The following ZFAT variants were observed in gnomAD, a reference collection of about 807,000 sequenced individuals.
ZFAT encodes zinc finger and AT-hook domain containing.
Under a neutral mutation model 117.7 loss-of-function variants are expected in ZFAT, and 64 were observed. The observed-to-expected ratio is 0.54, with a 90% CI of 0.44 to 0.67. The LOEUF is 0.67. Among genes scored for constraint, ZFAT ranks in the 30% least tolerant of loss-of-function variants. The pLI, the probability that ZFAT is intolerant of heterozygous loss-of-function variation, is 0.00. For missense variants in ZFAT, 1,433 were observed against 1,584.5 expected, an observed-to-expected ratio of 0.90 and a Z score of 1.62; for synonymous variants, 679 against 615.0, an observed-to-expected ratio of 1.10 and a Z score of -1.54.
the ZFAT span, among the ~76,000 whole-genome samples, chr8:134,728,407 C>A: frequency 6.6e-6 from 1 of 151,918 alleles, no homozygotes; most frequent in South Asian, 2.1e-4. Flanking sequence ...TGCTTTGTGC[C>A]CTTCAGACTA....
chr8:134,790,473 G>A, the ZFAT span, among the ~76,000 whole-genome samples: 307 of 152,132 alleles, frequency 2.0e-3, no homozygotes, highest in African/African-American at 7.1e-3. Flanking sequence ...GCCGTTAGGG[G>A]GTAATTTGGC....
intron 7 of ZFAT, among the ~76,000 whole-genome samples, chr8:134,595,169 C>T (rs775403813): frequency 1.2e-4 from 18 of 152,172 alleles, no homozygotes; most frequent in Non-Finnish European, 2.1e-4. Flanking sequence ...CACATTCATG[C>T]ACACACACTG....
chr8:134,510,547 G>C, intron 14 of ZFAT: 1 of 185,554 alleles, frequency 5.4e-6, no homozygotes, highest in Non-Finnish European at 1.1e-5. Context: ...GTCTCATGCA[G>C]AAGGTAGGAC....
chr8:134,745,954 G>A, the ZFAT span, among the ~76,000 whole-genome samples: 39 of 152,282 alleles, frequency 2.6e-4, no homozygotes, highest in African/African-American at 8.7e-4. Flanking sequence ...CCATTTATGA[G>A]GCAGTTTCTT....
At chr8:134,678,721 T>C (rs1048444897) in intron 1 of ZFAT, among the ~76,000 whole-genome samples, 6 of 152,044 alleles carry the variant, frequency 3.9e-5, no homozygotes, top group African/African-American at 1.4e-4. Context: ...AAACAGCATG[T>C]TACTGGTACC....
rs868078671 is a variant in ZFAT, at chr8:134,643,913, T to C, written c.197-6201A>G. 5.9e-5 allele frequency among the ~76,000 whole-genome samples: 9 copies of C among 152,332 alleles called. 1 individual carries two copies. In the Middle Eastern group the frequency reaches 0.01, roughly 173 times the overall value. ...GTGTGCCCTTTCCACTACACTGCGC[T>C]GCTGACCAGGGCAGATCAGAGTGCT... On this transcript the variant is annotated intron_variant, in intron 2 of 15. Transcript: ENST00000377838.
chr8:134,605,453 G>C (rs1351704488), intron 5 of ZFAT, among the ~76,000 whole-genome samples: 1 of 152,018 alleles, frequency 6.6e-6, no homozygotes, highest in Non-Finnish European at 1.5e-5. Flanking sequence ...GGCTGAGGCG[G>C]GAGAATGGCG....
At chr8:134,603,742 A>C (rs2119877) in intron 5 of ZFAT, among the ~76,000 whole-genome samples, 216 of 152,242 alleles carry the variant, frequency 1.4e-3, no homozygotes, top group Middle Eastern at 6.8e-3. Flanking sequence ...CACTTAGCCA[A>C]CTGGGCCTCT....
At chr8:134,627,369 G>C (rs760332534) in intron 3 of ZFAT, among the ~76,000 whole-genome samples, 1 of 152,188 alleles carries the variant, frequency 6.6e-6, no homozygotes, top group Non-Finnish European at 1.5e-5. Context: ...GGAGGAATTC[G>C]AGATGGCTCC....
intron 1 of ZFAT, among the ~76,000 whole-genome samples, chr8:134,674,277 A>G (rs1248196405): frequency 6.6e-6 from 1 of 152,174 alleles, no homozygotes; most frequent in Non-Finnish European, 1.5e-5. Flanking sequence ...CAATCGGTAG[A>G]CCAGGAGATT....
the ZFAT span, among the ~76,000 whole-genome samples, chr8:134,805,383 G>A: frequency 1.8e-4 from 28 of 152,280 alleles, no homozygotes; most frequent in Middle Eastern, 3.4e-3. Flanking sequence ...TTAAAAAAGC[G>A]TTAATTTAGT....
At chr8:134,651,728 A>G (rs902704649) in intron 2 of ZFAT, among the ~76,000 whole-genome samples, 2 of 152,348 alleles carry the variant, frequency 1.3e-5, no homozygotes, top group Non-Finnish European at 2.9e-5. Flanking sequence ...CAATACCAAA[A>G]GGCAGAACAG....
At chr8:134,815,830 G>A in the ZFAT span, among the ~76,000 whole-genome samples, 1 of 152,130 alleles carries the variant, frequency 6.6e-6, no homozygotes, top group Non-Finnish European at 1.5e-5. Flanking sequence ...AGTCTGAAGT[G>A]GGCTTTCACC....
At chr8:134,495,845 G>T (rs116171114) in intron 15 of ZFAT, among the ~76,000 whole-genome samples, 1 of 152,114 alleles carries the variant, frequency 6.6e-6, no homozygotes, top group South Asian at 2.1e-4. Flanking sequence ...TGGGAGGATC[G>T]CTTGAGTAGG....
chr8:134,798,170 G>T, the ZFAT span: 2 of 151,882 alleles, frequency 1.3e-5, no homozygotes, highest in African/African-American at 4.8e-5. Context: ...TCATAAACAG[G>T]GGAGAAGCTA....
At chr8:134,744,347 G>C in the ZFAT span, among the ~76,000 whole-genome samples, 1 of 149,454 alleles carries the variant, frequency 6.7e-6, no homozygotes, top group African/African-American at 2.5e-5. Flanking sequence ...CTAGGCTGGA[G>C]TGCAGTGGCA....
At chr8:134,791,253 T>G in the ZFAT span, among the ~76,000 whole-genome samples, 1 of 152,224 alleles carries the variant, frequency 6.6e-6, no homozygotes, top group African/African-American at 2.4e-5. Context: ...TCAGACAACT[T>G]TGTAGCTTCC....
chr8:134,571,203 G>A (rs755684202), intron 10 of ZFAT, among the ~76,000 whole-genome samples: 4 of 152,228 alleles, frequency 2.6e-5, no homozygotes, highest in African/African-American at 7.2e-5. Context: ...AACACGCCAC[G>A]AAGGACAAAG....
chr8:134,619,289 AAAAT>A (rs959657267), intron 3 of ZFAT, among the ~76,000 whole-genome samples: 97 of 152,086 alleles, frequency 6.4e-4, no homozygotes, highest in African/African-American at 2.1e-3. Context: ...AATAGAAACA[AAAAT>A]AAAAGATCAA....
Sources: gnomAD v4.1 joint callset for allele counts (sites outside exome capture counted in the v4.1 genomes callset) on GRCh38, gnomAD v4.1.1 for gene constraint, MANE v1.5 for transcripts, NCBI Gene and HGNC (gene_info 2026-07-23, HGNC 2026-07-21) for gene names.